LRRC4B: variants seen among roughly 807,000 people sequenced by gnomAD.
LRRC4B encodes leucine rich repeat containing 4B, also known as leucine-rich repeat-containing protein 4B.
In LRRC4B, 1 loss-of-function variant was observed where a neutral mutation model predicts 7.3. The observed-to-expected ratio is 0.14, with a 90% confidence interval of 0.05 to 0.65. The LOEUF is 0.65. LRRC4B is among the 30% of genes least tolerant of loss of function. LRRC4B has a pLI of 0.84. For missense variants in LRRC4B, 730 were observed against 1,041.6 expected, an observed-to-expected ratio of 0.70 and a Z score of 4.12; for synonymous variants, 500 against 499.2, an observed-to-expected ratio of 1.00 and a Z score of -0.02.
intron 1 of LRRC4B, among the ~76,000 whole-genome samples, chr19:50,550,050 T>C (rs943571341): frequency 4.6e-5 from 7 of 151,982 alleles, no homozygotes; most frequent in Non-Finnish European, 8.8e-5. Context: ...GTAACAATAG[T>C]CTCTCCGGAA....
At chr19:50,535,331 C>G (rs1045085711) in intron 2 of LRRC4B, among the ~76,000 whole-genome samples, 1 of 152,116 alleles carries the variant, frequency 6.6e-6, no homozygotes, top group East Asian at 1.9e-4. Flanking sequence ...AACAACCACA[C>G]CAGGCTAATT....
chr19:50,568,347 AGGCCCC>A lies in LRRC4B; in HGVS notation c.-445_-440del, dbSNP rs1296655033. Among the ~76,000 whole-genome samples, 1 of 18,358 alleles carries A rather than the reference AGGCCCC, an allele frequency of 5.4e-5. No homozygotes were observed. The highest frequency in any genetic ancestry group is 2.3e-4 in the Non-Finnish European group (1 of 4,344). The allele number at this position is 18,358 out of a possible 152,430, so 12.0% of individuals were successfully genotyped here. A position where few individuals can be genotyped will look rare whatever the true frequency, so the allele number is the denominator to read the frequency against. On this transcript the variant is annotated 5_prime_UTR_variant, in exon 1 of 3. Transcript: ENST00000652263. ...CTCTCCCCCCACCCCACCCCCCCCC[AGGCCCC>A]GGCCCCGGCCCCGGCCCCCGCCTCG...
chr19:50,546,240 C>T (rs375464160), intron 2 of LRRC4B, among the ~76,000 whole-genome samples: 7 of 152,130 alleles, frequency 4.6e-5, no homozygotes, highest in South Asian at 2.1e-4. Flanking sequence ...GAGACTGAGG[C>T]GGAAGACTCG....
At chr19:50,535,013 CGCCT>C (rs1981204698) in intron 2 of LRRC4B, among the ~76,000 whole-genome samples, 1 of 135,400 alleles carries the variant, frequency 7.4e-6, no homozygotes, top group African/African-American at 2.5e-5. Context: ...GGATTACAGG[CGCCT>C]GCCACCACAC....
intron 1 of LRRC4B, chr19:50,558,079 A>G (rs180877993): frequency 1.1e-3 from 171 of 152,276 alleles, no homozygotes; most frequent in African/African-American, 3.9e-3. Context: ...TAGGGTGTCC[A>G]ATCAACAGAA....
intron 2 of LRRC4B, among the ~76,000 whole-genome samples, chr19:50,521,584 C>T (rs1455303688): frequency 2.0e-5 from 3 of 152,220 alleles, no homozygotes; most frequent in South Asian, 4.2e-4. Context: ...CGTGCCACCA[C>T]GCCTGGCTAA....
In LRRC4B at chr19:50,546,608, C is replaced by T. The variant is rs548522455; in HGVS notation, c.297+1934G>A. On this transcript the variant is annotated intron_variant, in intron 2 of 2. Transcript: ENST00000652263. ...CTTTTCACCCTTTGACAATGTCCACCTTGGGTGTGTGCTTTACCAGGTGCA... is the reference window on the plus strand; with the variant it reads ...CTTTTCACCCTTTGACAATGTCCACTTTGGGTGTGTGCTTTACCAGGTGCA... Among the ~76,000 whole-genome samples the T allele has an allele frequency of 3.3e-5, 5 of 152,308 alleles. No homozygotes were observed. The East Asian group carries it at 7.7e-4, about 24-fold the overall frequency.
At chr19:50,551,432 G>A (rs1312317280) in intron 1 of LRRC4B, among the ~76,000 whole-genome samples, 10 of 139,852 alleles carry the variant, frequency 7.2e-5, no homozygotes, top group Admixed American at 3.6e-4. Context: ...CTCCCCGCTC[G>A]CCTCCTCCGG....
intron 2 of LRRC4B, among the ~76,000 whole-genome samples, chr19:50,535,114 C>T (rs552305508): frequency 2.0e-5 from 3 of 152,016 alleles, no homozygotes; most frequent in Non-Finnish European, 4.4e-5. Flanking sequence ...ATGATCTGCC[C>T]GCCTTGGCCT....
chr19:50,562,558 C>T (rs1379171242), intron 1 of LRRC4B, among the ~76,000 whole-genome samples: 2 of 152,188 alleles, frequency 1.3e-5, no homozygotes, highest in Admixed American at 1.3e-4. Flanking sequence ...TGCAGTGGAG[C>T]TGTGGCTGCA....
Position 50,548,870 on chromosome 19 carries a change from G to T in LRRC4B, c.-32C>A. On this transcript the variant is annotated 5_prime_UTR_variant, in exon 2 of 3. Coordinates refer to ENST00000652263, the MANE Select transcript of LRRC4B (RefSeq NM_001080457.2). This position sits in a 1 kb window ranked among gnomAD's most constrained non-coding sequence, Gnocchi z 6.8. ...TGTTCATGCTCCGCGTGGACGCTGG[G>T]GGGCTGTGGGTGGGGGAGAGAAGGG... is the stretch of plus-strand genomic sequence containing the variant. The T allele has an allele frequency of 7.0e-7, 1 of 1,422,304 alleles. No homozygotes were observed. The highest frequency in any genetic ancestry group is 1.5e-5 in the South Asian group (1 of 68,748). 88.1% of individuals were successfully genotyped at this position (1,422,304 alleles called of 1,614,324 possible).
intron 1 of LRRC4B, among the ~76,000 whole-genome samples, chr19:50,557,057 G>A (rs1350428487): frequency 6.6e-6 from 1 of 152,144 alleles, no homozygotes; most frequent in Non-Finnish European, 1.5e-5. Context: ...CGCGGCTGGA[G>A]GCCAGGGAGG....
At chr19:50,530,798 G>A (rs1425928284) in intron 2 of LRRC4B, among the ~76,000 whole-genome samples, 3 of 151,614 alleles carry the variant, frequency 2.0e-5, no homozygotes, top group East Asian at 1.9e-4. Context: ...GGGCAGTGGC[G>A]CCATCTTGGC....
chr19:50,527,755 T>A (rs538873681), intron 2 of LRRC4B, among the ~76,000 whole-genome samples: 3 of 19,054 alleles, frequency 1.6e-4, no homozygotes, highest in Admixed American at 1.4e-3. Context: ...CTTTTTTTCT[T>A]TTTTTTTTTT....
In LRRC4B at chr19:50,545,066, C is replaced by G. The variant is rs145314888; in HGVS notation, c.297+3476G>C. Among the ~76,000 whole-genome samples, 931 of 150,278 alleles carry G rather than the reference C, an allele frequency of 6.2e-3. 4 individuals carry two copies. The highest frequency in any genetic ancestry group is 0.011 in the Non-Finnish European group (721 of 67,688). On this transcript the variant is annotated intron_variant, in intron 2 of 2. Transcript: ENST00000652263. ...GGCGGAGCTTGCAGTGAGCCAAGAT[C>G]GTACCACTGCACTCCAGCCTGGGCA...
intron 1 of LRRC4B, among the ~76,000 whole-genome samples, chr19:50,552,594 A>G (rs932777127): frequency 1.6e-4 from 7 of 43,758 alleles, no homozygotes; most frequent in African/African-American, 6.1e-4. Context: ...CCATCTGTCC[A>G]TCCATCCATC....
rs549100369 is a variant in LRRC4B at position 50,553,046 on chromosome 19, C to T, written c.-35-4173G>A. On this transcript the variant is annotated intron_variant, in intron 1 of 2. Coordinates refer to ENST00000652263, the MANE Select transcript of LRRC4B (RefSeq NM_001080457.2). The surrounding 1 kb of genome is among the most constrained non-coding windows in gnomAD (Gnocchi z 4.2). ...AATGGGAGTATCTGCCTCCTAGGGC[C>T]ACTGTGGGGATTAAATCGCTAAATC... Among the ~76,000 whole-genome samples, 1 of 152,298 alleles carries T rather than the reference C, an allele frequency of 6.6e-6. No homozygotes were observed. The highest frequency in any genetic ancestry group is 2.1e-4 in the South Asian group (1 of 4,818).
rs373224602 is a variant in LRRC4B at position 50,545,563 on chromosome 19, AGAGT to A, written c.297+2975_297+2978del. ...CCCACTGCACTCCAGCCTGAATGAC[AGAGT>A]GAGACCCTGTCTCTAAAAATGAAAC... On this transcript the variant is annotated intron_variant, in intron 2 of 2. Coordinates refer to ENST00000652263, the MANE Select transcript of LRRC4B (RefSeq NM_001080457.2). Among the ~76,000 whole-genome samples the A allele has an allele frequency of 8.6e-3, 1,315 of 152,258 alleles. 12 individuals carry two copies. The highest frequency in any genetic ancestry group is 0.029 in the African/African-American group (1,186 of 41,540).
intron 1 of LRRC4B, among the ~76,000 whole-genome samples, chr19:50,550,695 AAG>A (rs1156649775): frequency 1.3e-5 from 2 of 152,122 alleles, no homozygotes; most frequent in Non-Finnish European, 2.9e-5. Flanking sequence ...GGGCAGGGGA[AAG>A]AGGGAGCTGG....
Sources: gnomAD v4.1 joint callset for allele counts (sites outside exome capture counted in the v4.1 genomes callset) on GRCh38, gnomAD v4.1.1 for gene constraint, Gnocchi (gnomAD v3.1) non-coding constraint, MANE v1.5 for transcripts, NCBI Gene and HGNC (gene_info 2026-07-23, HGNC 2026-07-21) for gene names.